The following HORMAD2 variants were observed in gnomAD, a reference collection of about 807,000 sequenced individuals.
The protein encoded by HORMAD2 is HORMA domain-containing protein 2.
Under a neutral mutation model 38.8 loss-of-function variants are expected in HORMAD2, and 45 were observed. The observed-to-expected ratio is 1.16, with a 90% CI of 0.91 to 1.49. The LOEUF is 1.49. HORMAD2 is among the 40% of genes most tolerant of loss of function. HORMAD2 has a pLI of 0.00. For synonymous variants in HORMAD2, 126 were observed against 122.8 expected (o/e 1.03, Z -0.17); for missense variants, 338 against 367.0 (o/e 0.92, Z 0.65).
intron 10 of HORMAD2, among the ~76,000 whole-genome samples, chr22:30,175,615 T>C (rs1367060496): frequency 1.3e-5 from 2 of 152,096 alleles, no homozygotes; most frequent in Non-Finnish European, 2.9e-5. Context: ...GTAGAAAGGT[T>C]ATGGTTCTTC....
At chr22:30,099,041 T>A in intron 3 of HORMAD2, 48 bp downstream of exon 3, 1 of 1,523,250 alleles carries the variant, frequency 6.6e-7, no homozygotes, top group Non-Finnish European at 8.9e-7. Flanking sequence ...CCCCTTTCTC[T>A]ATTTAGCAGG....
At chr22:30,084,316 AGAGT>A (rs1569077673) in intron 1 of HORMAD2, among the ~76,000 whole-genome samples, 1 of 152,162 alleles carries the variant, frequency 6.6e-6, no homozygotes, top group African/African-American at 2.4e-5. Flanking sequence ...AAGGAGAGAG[AGAGT>A]GAGTGTGCCA....
intron 10 of HORMAD2, among the ~76,000 whole-genome samples, chr22:30,170,619 GT>G (rs200185136): frequency 0.013 from 1,916 of 152,120 alleles, 18 homozygotes; most frequent in Non-Finnish European, 0.015. Flanking sequence ...GTCTTTTCAT[GT>G]TTCATTGTCT....
intron 10 of HORMAD2, among the ~76,000 whole-genome samples, chr22:30,165,088 C>T (rs1925697760): frequency 6.6e-6 from 1 of 152,086 alleles, no homozygotes; most frequent in African/African-American, 2.4e-5. Flanking sequence ...TTGATCCTTT[C>T]TGAGTTAACT....
the HORMAD2 span, among the ~76,000 whole-genome samples, chr22:30,201,574 C>A: frequency 1.3e-5 from 2 of 152,164 alleles, no homozygotes; most frequent in Middle Eastern, 6.8e-3. Flanking sequence ...CCCACCCCCT[C>A]GCCCGGCTAA....
At chr22:30,129,652 G>A (rs1246669358) in intron 10 of HORMAD2, among the ~76,000 whole-genome samples, 1 of 151,988 alleles carries the variant, frequency 6.6e-6, no homozygotes, top group African/African-American at 2.4e-5. Flanking sequence ...TTGGTACTGT[G>A]TGGGAAAGTT....
the HORMAD2 span, among the ~76,000 whole-genome samples, chr22:30,190,480 G>C: frequency 6.6e-6 from 1 of 152,198 alleles, no homozygotes; most frequent in African/African-American, 2.4e-5. Context: ...TGTAACTTTC[G>C]ATGGCACTAT....
chr22:30,095,646 G>C (rs960618805), intron 2 of HORMAD2, among the ~76,000 whole-genome samples: 28 of 152,126 alleles, frequency 1.8e-4, no homozygotes, highest in African/African-American at 5.8e-4. Context: ...CTATGTCTCA[G>C]AACCTAAAAC....
chr22:30,095,372 G>A (rs904802828), intron 2 of HORMAD2, among the ~76,000 whole-genome samples: 3 of 152,056 alleles, frequency 2.0e-5, no homozygotes, highest in Admixed American at 1.3e-4. Flanking sequence ...TTTGCTAAAG[G>A]CTTTAATGTC....
chr22:30,145,398 T>A (rs1038480349), intron 10 of HORMAD2, among the ~76,000 whole-genome samples: 1 of 152,210 alleles, frequency 6.6e-6, no homozygotes, highest in African/African-American at 2.4e-5. Context: ...TTTTACTGCA[T>A]GTAAATTGTA....
At chr22:30,098,767 CT>C in intron 2 of HORMAD2, 84 bp from the exon 3 acceptor site, 1 of 1,161,246 alleles carries the variant, frequency 8.6e-7, no homozygotes, top group Middle Eastern at 3.0e-4. Flanking sequence ...CCTGAGAAAT[CT>C]TTTCATCATA....
At chr22:30,110,665 C>T (rs559159066) in intron 5 of HORMAD2, among the ~76,000 whole-genome samples, 3 of 151,958 alleles carry the variant, frequency 2.0e-5, no homozygotes, top group African/African-American at 2.4e-5. Flanking sequence ...GGATTACAGG[C>T]GTGAACCACC....
the HORMAD2 span, among the ~76,000 whole-genome samples, chr22:30,197,792 T>G: frequency 6.6e-6 from 1 of 151,500 alleles, no homozygotes; most frequent in Non-Finnish European, 1.5e-5. Flanking sequence ...AAAAATCAAG[T>G]CAACCACTGC....
intron 6 of HORMAD2, 112 bp from the exon 7 acceptor site, chr22:30,112,384 G>A (rs1921731050): frequency 4.8e-6 from 3 of 627,600 alleles, no homozygotes; most frequent in Non-Finnish European, 8.5e-6. Context: ...TAAAATATAT[G>A]TCTGTACTCA....
At chr22:30,120,015 ATACACGT>A (rs1003069730) in intron 8 of HORMAD2, among the ~76,000 whole-genome samples, 3 of 152,340 alleles carry the variant, frequency 2.0e-5, no homozygotes, top group Admixed American at 1.3e-4. Flanking sequence ...AGCACTTTTC[ATACACGT>A]TTTCTCACAT....
At chr22:30,127,898 T>C (rs558703358) in intron 10 of HORMAD2, among the ~76,000 whole-genome samples, 1 of 152,360 alleles carries the variant, frequency 6.6e-6, no homozygotes, top group East Asian at 1.9e-4. Flanking sequence ...ATTCTTTTGG[T>C]ACACCATTTC....
chr22:30,090,036 T>C (rs1272449487), intron 1 of HORMAD2, among the ~76,000 whole-genome samples: 1 of 152,208 alleles, frequency 6.6e-6, no homozygotes, highest in Non-Finnish European at 1.5e-5. Context: ...TTTATTCACA[T>C]TGTTGCATGT....
At chr22:30,113,508 G>A (rs569334923) in intron 7 of HORMAD2, among the ~76,000 whole-genome samples, 53 of 152,204 alleles carry the variant, frequency 3.5e-4, no homozygotes, top group African/African-American at 1.3e-3. Flanking sequence ...AAAGTGCTGG[G>A]ATTACTGGCA....
At chr22:30,115,466 G>A (rs1238092892) in intron 7 of HORMAD2, among the ~76,000 whole-genome samples, 2 of 151,986 alleles carry the variant, frequency 1.3e-5, no homozygotes, top group Non-Finnish European at 2.9e-5. Flanking sequence ...TCCATTTCTA[G>A]CCACAATATA....
Sources: gnomAD v4.1 joint callset for allele counts (sites outside exome capture counted in the v4.1 genomes callset) on GRCh38, gnomAD v4.1.1 for gene constraint, MANE v1.5 for transcripts, NCBI Gene and HGNC (gene_info 2026-07-23, HGNC 2026-07-21) for gene names.